Variants in REPS2 observed in about 807,000 individuals in gnomAD.
REPS2 encodes the protein ralBP1-associated Eps domain-containing protein 2.
In REPS2, 23 loss-of-function variants were observed where a neutral mutation model predicts 53.6. That is an observed-to-expected ratio of 0.43 (90% confidence interval 0.31 to 0.61). The LOEUF is 0.61. REPS2 is among the 20% of genes least tolerant of loss of function. The pLI is 0.11. For missense variants in REPS2, 446 were observed against 534.9 expected (o/e 0.83, Z 1.64); for synonymous variants, 238 against 218.6 (o/e 1.09, Z -0.78).
downstream of REPS2, chrX:17,153,317 A>G (rs759384205): frequency 8.9e-6 from 1 of 112,478 alleles, no homozygotes; most frequent in East Asian, 2.8e-4. Context: ...TGTGGTTTGC[A>G]TTTGTTCTCA....
At chrX:16,957,475 C>T (rs1356698464) in intron 1 of REPS2, among the ~76,000 whole-genome samples, 1 of 111,135 alleles carries the variant, frequency 9.0e-6, no homozygotes. Flanking sequence ...TGCCCCATGC[C>T]TTCAAAAGAA....
At chrX:17,156,493 A>G (rs2063616396), downstream of REPS2, among the ~76,000 whole-genome samples, 1 of 110,795 alleles carries the variant, frequency 9.0e-6, no homozygotes, top group South Asian at 3.8e-4. Context: ...ATTTTTTAGG[A>G]GGATGAGTAT....
At chrX:17,004,228 G>T in intron 1 of REPS2, among the ~76,000 whole-genome samples, 1 of 110,645 alleles carries the variant, frequency 9.0e-6, no homozygotes, top group East Asian at 2.8e-4. Flanking sequence ...GATTTGGATT[G>T]TTTGAAGGAT....
intron 3 of REPS2, among the ~76,000 whole-genome samples, chrX:17,024,751 T>G (rs1044884954): frequency 9.0e-6 from 1 of 111,289 alleles, no homozygotes; most frequent in Non-Finnish European, 1.9e-5. Flanking sequence ...GGAGCGGGTA[T>G]GAATGTTATT....
At chrX:17,134,427 G>A (rs2063334295) in intron 15 of REPS2, among the ~76,000 whole-genome samples, 1 of 111,215 alleles carries the variant, frequency 9.0e-6, no homozygotes, top group Admixed American at 9.5e-5. Flanking sequence ...CTTCTCCCAG[G>A]CTCTTCTTTC....
chrX:17,099,700 T>A, intron 13 of REPS2: 1 of 469,976 alleles, frequency 2.1e-6, no homozygotes, highest in Admixed American at 3.3e-5. Flanking sequence ...CTCTATGGTG[T>A]CAAGACAAGT....
intron 3 of REPS2, chrX:17,022,501 T>A (rs1470106944): frequency 7.5e-6 from 2 of 266,976 alleles, no homozygotes; most frequent in Non-Finnish European, 1.3e-5. Context: ...TAGAATTGTG[T>A]CTAAAATAAG....
At chrX:17,025,029 G>A (rs748955429) in intron 3 of REPS2, 30 bp from the exon 4 acceptor site, 39 of 1,209,972 alleles carry the variant, frequency 3.2e-5, no homozygotes, top group Non-Finnish European at 4.1e-5. Flanking sequence ...TTGAGTGAGC[G>A]CCTCTGAACT....
intron 17 of REPS2, among the ~76,000 whole-genome samples, chrX:17,142,406 G>A (rs1032811748): frequency 9.0e-6 from 1 of 111,377 alleles, no homozygotes; most frequent in African/African-American, 3.3e-5. Flanking sequence ...AAAATTAAGA[G>A]ACAAGCTGCT....
At chrX:17,188,580 G>T in the REPS2 span, among the ~76,000 whole-genome samples, 1 of 112,248 alleles carries the variant, frequency 8.9e-6, no homozygotes, top group East Asian at 2.8e-4. Flanking sequence ...GCCCTGGCTA[G>T]CTCTGGACAG....
the REPS2 span, among the ~76,000 whole-genome samples, chrX:17,159,651 C>G: frequency 9.0e-6 from 1 of 111,578 alleles, no homozygotes; most frequent in East Asian, 2.8e-4. Context: ...CCCCAGCCCC[C>G]CAATGCACAT....
rs1328287212 is a variant in REPS2, at chrX:17,108,613, TAAAG to T, written c.1578+4838_1578+4841del. On this transcript the variant is annotated intron_variant, in intron 14 of 17. Transcript: ENST00000357277. The stretch of plus-strand genomic sequence containing the variant: ...AGCCACAGCTTCAGTGTAACTATAA[TAAAG>T]AAAAGATTTTGGGGGTGCAAGACAT... 1.3e-4 allele frequency among the ~76,000 whole-genome samples: 15 copies of T among 111,940 alleles called. No homozygotes were observed. In the East Asian group the frequency reaches 2.2e-3, roughly 17 times the overall value.
the REPS2 span, among the ~76,000 whole-genome samples, chrX:17,159,160 T>G: frequency 5.9e-4 from 66 of 112,102 alleles, no homozygotes; most frequent in African/African-American, 1.9e-3. Flanking sequence ...CTTTTCACTT[T>G]GTTTGCTCTC....
chrX:17,027,705 A>G (rs945644034), intron 4 of REPS2, among the ~76,000 whole-genome samples: 8 of 91,947 alleles, frequency 8.7e-5, no homozygotes, highest in Non-Finnish European at 1.7e-4. Flanking sequence ...TTGGAGAAAG[A>G]TGGTACTTCC....
chrX:17,054,182 G>A (rs1308246190), intron 7 of REPS2, among the ~76,000 whole-genome samples: 7 of 112,077 alleles, frequency 6.2e-5, no homozygotes, highest in Non-Finnish European at 7.5e-5. Flanking sequence ...TGTCTTATCT[G>A]GTTCCAGTCA....
chrX:17,196,303 C>T, the REPS2 span, among the ~76,000 whole-genome samples: 1 of 111,346 alleles, frequency 9.0e-6, no homozygotes, highest in South Asian at 3.8e-4. Flanking sequence ...AAAGTTGGGC[C>T]CCTGTATAAT....
intron 13 of REPS2, among the ~76,000 whole-genome samples, chrX:17,088,349 G>A (rs2062569333): frequency 9.0e-6 from 1 of 111,371 alleles, no homozygotes; most frequent in Non-Finnish European, 1.9e-5. Context: ...TGAATCTCAT[G>A]CATTTTTGTC....
At chrX:17,025,439 A>C (rs909669807) in intron 4 of REPS2, among the ~76,000 whole-genome samples, 1 of 112,334 alleles carries the variant, frequency 8.9e-6, no homozygotes, top group Admixed American at 9.4e-5. Context: ...AGATGATTTA[A>C]TCTTTCATAT....
At chrX:17,026,297 A>G (rs765966187) in intron 4 of REPS2, among the ~76,000 whole-genome samples, 117 of 111,634 alleles carry the variant, frequency 1.0e-3, no homozygotes, top group African/African-American at 3.2e-3. Context: ...ATTAAGTCCT[A>G]TGCACATGCA....
Sources: allele counts gnomAD v4.1 joint callset (sites outside exome capture counted in the v4.1 genomes callset), GRCh38; gene constraint gnomAD v4.1.1; transcripts MANE v1.5; gene names NCBI Gene and HGNC (gene_info 2026-07-23, HGNC 2026-07-21).